The following ATP23 variants were observed in gnomAD, a reference collection of about 807,000 sequenced individuals.
ATP23 encodes the protein ATP23 metallopeptidase and ATP synthase assembly factor homolog, also known as mitochondrial inner membrane protease ATP23 homolog.
ATP23 carries 24 observed loss-of-function variants against 28.5 expected under a neutral mutation model. The observed-to-expected ratio is 0.84, with a 90% CI of 0.61 to 1.18. The LOEUF is 1.18. Ranked by LOEUF, ATP23 falls within the 50% of genes most tolerant of loss-of-function variation. The probability of loss-of-function intolerance (pLI) is 0.00; values close to 1 mark genes in which losing one functional copy is unlikely to be tolerated. For missense variants in ATP23, 274 were observed against 306.4 expected (o/e 0.89, Z 0.79); for synonymous variants, 99 against 108.6 (o/e 0.91, Z 0.55).
rs1565871597 is a variant in ATP23 at position 57,941,860 on chromosome 12, GC to G, written c.160del (p.Arg55GlyfsTer3). The G allele has an allele frequency of 6.2e-7, 1 of 1,613,674 alleles. No homozygotes were observed. Among genetic ancestry groups the G allele is most frequent in the South Asian group, 1.1e-5 (1 of 90,932 alleles). ...SFFTSNQKCQ[L>X]RLLKTLETNP... Reference sequence around the variant, plus strand: ...TCTTCACCAGCAACCAGAAGTGCCAGCTTAGGCTCCTGAAGACGCTGGAGAC... The same window carrying G: ...TCTTCACCAGCAACCAGAAGTGCCAGTTAGGCTCCTGAAGACGCTGGAGAC... On this transcript the variant is annotated frameshift_variant, in exon 1 of 6. Transcript: ENST00000300145. LOFTEE classifies it high-confidence loss of function.
chr12:57,951,523 A>C (rs1956814140), intron 3 of ATP23, among the ~76,000 whole-genome samples: 1 of 152,204 alleles, frequency 6.6e-6, no homozygotes, highest in East Asian at 1.9e-4. Context: ...GTACTGCTGT[A>C]GTCCAGAGAG....
At chr12:57,952,605 C>G (rs958179499) in intron 4 of ATP23, among the ~76,000 whole-genome samples, 2 of 152,194 alleles carry the variant, frequency 1.3e-5, no homozygotes, top group African/African-American at 4.8e-5. Context: ...TTAAAATAAT[C>G]TAAATCTCAA....
Position 57,945,669 on chromosome 12 carries a change from G to C in ATP23, c.229G>C (p.Gly77Arg). 6.2e-7 allele frequency: 1 copy of C among 1,613,592 alleles called. No individual in the cohort carries two copies. ...KLLLDAMKHSGCAVNKDRHFS... is the reference protein window; with the variant it reads ...KLLLDAMKHSRCAVNKDRHFS... ...TCTGCTTGATGCTATGAAACACTCA[G>C]GTTGGTAAGTAACTCTTTTTGAAGT... Residue 77 changes from glycine (G) to arginine (R), a missense_variant, in exon 2 of 6, where the codon GGT becomes CGT. By Grantham distance (125) the Gly-to-Arg change is moderately radical (BLOSUM62 -2). Coordinates refer to ENST00000300145, the MANE Select transcript of ATP23 (RefSeq NM_033276.4).
intron 1 of ATP23, among the ~76,000 whole-genome samples, chr12:57,942,247 A>G (rs1026640274): frequency 2.0e-5 from 3 of 152,214 alleles, no homozygotes; most frequent in African/African-American, 7.2e-5. Context: ...AGGCACACAA[A>G]GGCTGTAAAA....
chr12:57,951,960 AT>A (rs1202327419), intron 4 of ATP23, 65 bp downstream of exon 4: 1 of 1,576,972 alleles, frequency 6.3e-7, no homozygotes, highest in African/African-American at 1.4e-5. Flanking sequence ...AGTGTAATTT[AT>A]TTAAATGTAT....
chr12:57,948,441 C>A (rs1379980941), intron 3 of ATP23, among the ~76,000 whole-genome samples: 2 of 152,102 alleles, frequency 1.3e-5, no homozygotes, highest in African/African-American at 4.8e-5. Flanking sequence ...TGCCACCATG[C>A]CCAGCTAATT....
chr12:57,953,587 T>C lies in ATP23; in HGVS notation c.454-19T>C. On this transcript the variant is annotated intron_variant, in intron 4 of 5. Coordinates refer to ENST00000300145, the MANE Select transcript of ATP23 (RefSeq NM_033276.4). ...GAGCATGAGCGTTTATTTCTTTTTA[T>C]TTGTCTTCTGTGTGATAGGTTCGAG... 6.2e-7 allele frequency: 1 copy of C among 1,608,034 alleles called. No homozygotes were observed. Among genetic ancestry groups the C allele is most frequent in the Non-Finnish European group, 8.5e-7 (1 of 1,176,680 alleles).
In ATP23 at chr12:57,951,853, T is replaced by A; in HGVS notation, c.411T>A (p.His137Gln). The change falls in exon 4 of 6, where the codon CAT becomes CAA. Residue 137 changes from histidine to glutamine, a missense_variant. Coordinates refer to ENST00000300145, the MANE Select transcript of ATP23 (RefSeq NM_033276.4). ...LIHAFDHCRA[H>Q]VDWFTNIRHL... ...ATGCATTTGATCATTGTCGTGCCCA[T>A]GTCGACTGGTTCACCAACATCAGAC... 1 of 1,614,214 alleles carries A rather than the reference T, an allele frequency of 6.2e-7. No individual in the cohort carries two copies. The highest frequency in any genetic ancestry group is 8.5e-7 in the Non-Finnish European group (1 of 1,180,028).
chr12:57,943,433 A>G (rs952427643), intron 1 of ATP23, among the ~76,000 whole-genome samples: 1 of 152,114 alleles, frequency 6.6e-6, no homozygotes. Flanking sequence ...TAATCTCAGC[A>G]CTTTGGGGAG....
intron 3 of ATP23, among the ~76,000 whole-genome samples, chr12:57,947,676 G>A (rs1346549926): frequency 6.6e-6 from 1 of 152,132 alleles, no homozygotes; most frequent in African/African-American, 2.4e-5. Flanking sequence ...TTTGGGCAAC[G>A]ATTGTATCTA....
intron 3 of ATP23, among the ~76,000 whole-genome samples, chr12:57,948,724 A>T (rs983702414): frequency 6.6e-6 from 1 of 152,158 alleles, no homozygotes. Flanking sequence ...CATTACTAGG[A>T]CTTCAGAAGC....
intron 4 of ATP23, 22 bp downstream of exon 4, chr12:57,951,917 T>C: frequency 6.2e-7 from 1 of 1,613,106 alleles, no homozygotes; most frequent in Non-Finnish European, 8.5e-7. Flanking sequence ...TGTATTTTTC[T>C]CCAGAATACT....
chr12:57,942,337 G>T (rs1182052302), intron 1 of ATP23, among the ~76,000 whole-genome samples: 2 of 152,042 alleles, frequency 1.3e-5, no homozygotes, highest in Admixed American at 1.3e-4. Flanking sequence ...CTTGGAAGTG[G>T]TTCATGCATG....
chr12:57,953,786 AG>A (rs1440611921), intron 5 of ATP23, 97 bp downstream of exon 5: 1 of 1,067,494 alleles, frequency 9.4e-7, no homozygotes, highest in Non-Finnish European at 1.4e-6. Flanking sequence ...GAAATTTGAA[AG>A]AACTTCGTAT....
chr12:57,949,040 C>T (rs539492859), intron 3 of ATP23, among the ~76,000 whole-genome samples: 6 of 152,178 alleles, frequency 3.9e-5, no homozygotes, highest in African/African-American at 1.4e-4. Context: ...GTATTTATTC[C>T]GTTGTGTGTT....
At chr12:57,942,378 A>G (rs1175280844) in intron 1 of ATP23, among the ~76,000 whole-genome samples, 1 of 151,532 alleles carries the variant, frequency 6.6e-6, no homozygotes, top group Non-Finnish European at 1.5e-5. Flanking sequence ...AATCCCTGAA[A>G]TGGTCTGTGA....
At position 57,951,768 on chromosome 12, in the gene ATP23, GC is replaced by G; in HGVS notation, c.328del (p.Gln110ArgfsTer10). 1.2e-6 allele frequency: 2 copies of G among 1,613,948 alleles called. No individual in the cohort carries two copies. Among genetic ancestry groups the G allele is most frequent in the Non-Finnish European group, 1.7e-6 (2 of 1,179,916 alleles). On this transcript the variant is annotated frameshift_variant, in exon 4 of 6. Coordinates refer to ENST00000300145, the MANE Select transcript of ATP23 (RefSeq NM_033276.4). LOFTEE classifies it high-confidence loss of function. Reference sequence around the variant, plus strand: ...TTTGGTGTCTCCTAGATAGTTTTGTGCCAGAATAATATCCATAATCAGGCCC... The same window carrying G: ...TTTGGTGTCTCCTAGATAGTTTTGTGCAGAATAATATCCATAATCAGGCCC... Reference protein sequence around the residue: ...FDASTSQIVLCQNNIHNQAHM... With the variant: ...FDASTSQIVLXQNNIHNQAHM...
At position 57,941,741 on chromosome 12, in the gene ATP23, G is replaced by T. The variant is rs1442576917; in HGVS notation, c.40G>T (p.Ala14Ser). ...GGACGAGCGCCGGCGGGGCCCCGCG[G>T]CAGGGGAGCAGCTGCAGCAGCAACA... Reference protein sequence around the residue: ...APDERRRGPAAGEQLQQQHVS... With the variant: ...APDERRRGPASGEQLQQQHVS... Residue 14 changes from alanine (A) to serine (S), a missense_variant, in exon 1 of 6, where the codon GCA becomes TCA. By Grantham distance (99) the Ala-to-Ser change is moderately conservative. Transcript: ENST00000300145. The T allele has an allele frequency of 2.5e-6, 4 of 1,596,214 alleles. No individual in the cohort carries two copies. The South Asian group carries it at 3.4e-5, about 13-fold the overall frequency.
chr12:57,945,555 C>T, intron 1 of ATP23, 73 bp from the exon 2 acceptor site: 1 of 1,313,540 alleles, frequency 7.6e-7, no homozygotes, highest in Non-Finnish European at 1.1e-6. Flanking sequence ...TTGATAATAT[C>T]TTACACTGCT....
Sources: gnomAD v4.1 joint callset for allele counts (sites outside exome capture counted in the v4.1 genomes callset) on GRCh38, gnomAD v4.1.1 for gene constraint, MANE v1.5 for transcripts, NCBI Gene and HGNC (gene_info 2026-07-23, HGNC 2026-07-21) for gene names.